The following GPBP1L1 variants were observed in gnomAD, a reference collection of about 807,000 sequenced individuals.
The protein encoded by GPBP1L1 is vasculin-like protein 1.
In GPBP1L1, 23 loss-of-function variants were observed where a neutral mutation model predicts 52.5. The observed-to-expected ratio is 0.44, with a 90% confidence interval of 0.32 to 0.62. The LOEUF is 0.62. Among genes scored for constraint, GPBP1L1 ranks in the 20% least tolerant of loss-of-function variants. The probability of loss-of-function intolerance (pLI) is 0.06; values close to 1 mark genes in which losing one functional copy is unlikely to be tolerated. For missense variants in GPBP1L1, 596 were observed against 579.3 expected, an observed-to-expected ratio of 1.03 and a Z score of -0.30; for synonymous variants, 243 against 203.1, an observed-to-expected ratio of 1.20 and a Z score of -1.67.
At chr1:45,640,507 A>G in intron 7 of GPBP1L1, 104 bp from the exon 8 acceptor site, 1 of 873,204 alleles carries the variant, frequency 1.1e-6, no homozygotes, top group South Asian at 1.5e-5. Flanking sequence ...CTGACAGTTG[A>G]GACAGAGGGA....
At position 45,633,554 on chromosome 1, in the gene GPBP1L1, T is replaced by C; in HGVS notation, c.979A>G (p.Lys327Glu). Residue 327 changes from lysine (K) to glutamate (E), a missense_variant, in exon 10 of 13, where the codon AAA becomes GAA. Lys to Glu is a moderately conservative substitution (Grantham distance 56). Transcript: ENST00000355105. Reference sequence around the variant, plus strand: ...CCATTCCGGTCATCCTTCAGAGTTTTCAGGAACTCACTCTTCCTGTCGGTG... The same window carrying C: ...CCATTCCGGTCATCCTTCAGAGTTTCCAGGAACTCACTCTTCCTGTCGGTG... Reference protein sequence around the residue: ...RTTDRKSEFLKTLKDDRNGDF... With the variant: ...RTTDRKSEFLETLKDDRNGDF... The C allele has an allele frequency of 6.2e-7, 1 of 1,614,050 alleles. No homozygotes were observed. The highest frequency in any genetic ancestry group is 1.1e-5 in the South Asian group (1 of 91,060).
At chr1:45,685,207 T>C (rs2148530985) in intron 2 of GPBP1L1, among the ~76,000 whole-genome samples, 1 of 152,292 alleles carries the variant, frequency 6.6e-6, no homozygotes, top group South Asian at 2.1e-4. Flanking sequence ...GCACCCTAAT[T>C]TCCTTTCAAA....
chr1:45,661,804 G>T lies in GPBP1L1; in HGVS notation c.-1097-579C>A, dbSNP rs1043759404. Among the ~76,000 whole-genome samples, 16 of 152,134 alleles carry T rather than the reference G, an allele frequency of 1.1e-4. No individual in the cohort carries two copies. The South Asian group carries it at 1.5e-3, about 14-fold the overall frequency. On this transcript the variant is annotated intron_variant, in intron 2 of 12. Coordinates refer to ENST00000355105, the MANE Select transcript of GPBP1L1 (RefSeq NM_021639.5). Reference sequence around the variant, plus strand: ...ACATGTAATCTCAACACTTTGAGAGGCCAAATTTTCCAATCAGCTATCTAA... The same window carrying T: ...ACATGTAATCTCAACACTTTGAGAGTCCAAATTTTCCAATCAGCTATCTAA...
At chr1:45,633,967 A>G in intron 9 of GPBP1L1, 129 bp downstream of exon 9, 1 of 1,091,448 alleles carries the variant, frequency 9.2e-7, no homozygotes, top group South Asian at 1.8e-5. Flanking sequence ...GAAAACATCA[A>G]TAAAGAAACT....
chr1:45,658,249 A>C (rs927186100), intron 4 of GPBP1L1, among the ~76,000 whole-genome samples: 35 of 152,178 alleles, frequency 2.3e-4, no homozygotes, highest in Non-Finnish European at 3.4e-4. Flanking sequence ...TTGAACAATC[A>C]CTGCCTCTAC....
At chr1:45,671,117 C>A (rs1645069486) in intron 2 of GPBP1L1, among the ~76,000 whole-genome samples, 1 of 151,558 alleles carries the variant, frequency 6.6e-6, no homozygotes, top group Admixed American at 6.6e-5. Context: ...AACTATCATA[C>A]CTTTACAATA....
chr1:45,632,076 CAGAAAAT>C (rs1644538140), intron 10 of GPBP1L1, among the ~76,000 whole-genome samples: 1 of 152,066 alleles, frequency 6.6e-6, no homozygotes, highest in South Asian at 2.1e-4. Context: ...AAAAAAATTC[CAGAAAAT>C]AGTATACTCT....
At position 45,640,233 on chromosome 1, in the gene GPBP1L1, T is replaced by C; in HGVS notation, c.721A>G (p.Lys241Glu). ...VPSVYKNLVPKPVPPPSKPNA... is the reference protein window; with the variant it reads ...VPSVYKNLVPEPVPPPSKPNA... ...ACCTTGGAAGGAGGTGGTACAGGCT[T>C]AGGAACCAGGTTCTTATAGACACTT... Residue 241 changes from lysine to glutamate, a missense_variant, in exon 8 of 13, where the codon AAG becomes GAG. Physicochemically the swap from Lys to Glu is moderately conservative, Grantham distance 56. Coordinates refer to ENST00000355105, the MANE Select transcript of GPBP1L1 (RefSeq NM_021639.5). 6.2e-7 allele frequency: 1 copy of C among 1,614,044 alleles called. No homozygotes were observed. Among genetic ancestry groups the C allele is most frequent in the Non-Finnish European group, 8.5e-7 (1 of 1,179,900 alleles).
intron 2 of GPBP1L1, among the ~76,000 whole-genome samples, chr1:45,680,052 T>A (rs377109193): frequency 1.3e-5 from 2 of 151,984 alleles, no homozygotes; most frequent in African/African-American, 4.8e-5. Context: ...TGCACTCCAA[T>A]CTGAGCAACA....
intron 12 of GPBP1L1, among the ~76,000 whole-genome samples, chr1:45,629,316 A>C (rs529105897): frequency 6.6e-5 from 10 of 152,290 alleles, no homozygotes; most frequent in Non-Finnish European, 1.2e-4. Flanking sequence ...TCTGATAAGG[A>C]GTTAGAGCTG....
Position 45,628,296 on chromosome 1 carries a change from GTT to G in GPBP1L1, c.1383_1384del (p.Glu461AspfsTer3). The G allele has an allele frequency of 6.2e-7, 1 of 1,614,126 alleles. No individual in the cohort carries two copies. Among genetic ancestry groups the G allele is most frequent in the Non-Finnish European group, 8.5e-7 (1 of 1,180,016 alleles). On this transcript the variant is annotated frameshift_variant, in exon 13 of 13. Coordinates refer to ENST00000355105, the MANE Select transcript of GPBP1L1 (RefSeq NM_021639.5). LOFTEE classifies it high-confidence loss of function. ...GTCATCTGATGTTTCACTGCTACTG[GTT>G]TCGGTGTCTGAGTCCTCAAACTCTG...
intron 2 of GPBP1L1, among the ~76,000 whole-genome samples, chr1:45,675,848 T>C (rs1024050292): frequency 6.6e-6 from 1 of 152,210 alleles, no homozygotes; most frequent in Non-Finnish European, 1.5e-5. Context: ...GCCTTCTTAC[T>C]GTTCTTAAGA....
chr1:45,644,557 ATT>A (rs5773888), intron 6 of GPBP1L1, among the ~76,000 whole-genome samples: 76 of 149,872 alleles, frequency 5.1e-4, no homozygotes, highest in African/African-American at 1.0e-3. Flanking sequence ...TGATCACTGC[ATT>A]TTTTTTTTTT....
At chr1:45,664,600 A>T (rs1021664261) in intron 2 of GPBP1L1, among the ~76,000 whole-genome samples, 4 of 152,238 alleles carry the variant, frequency 2.6e-5, no homozygotes, top group Admixed American at 1.3e-4. Context: ...AAATTATTCC[A>T]TAGAGATGGG....
At chr1:45,630,855 A>G (rs1270192342) in intron 10 of GPBP1L1, 1 of 449,290 alleles carries the variant, frequency 2.2e-6, no homozygotes, top group Admixed American at 3.7e-5. Context: ...GAGTACTGAT[A>G]TTACCTGACA....
intron 2 of GPBP1L1, among the ~76,000 whole-genome samples, chr1:45,664,853 A>G (rs536966133): frequency 6.6e-5 from 10 of 152,038 alleles, no homozygotes; most frequent in Non-Finnish European, 1.5e-5. Flanking sequence ...TAATTTTTGT[A>G]TTTTTAGCAG....
At chr1:45,670,416 G>A (rs1645060167) in intron 2 of GPBP1L1, among the ~76,000 whole-genome samples, 1 of 152,140 alleles carries the variant, frequency 6.6e-6, no homozygotes, top group Non-Finnish European at 1.5e-5. Context: ...TCTTTCCCAT[G>A]TCTTGATGAG....
intron 4 of GPBP1L1, among the ~76,000 whole-genome samples, chr1:45,656,788 C>T (rs1020500236): frequency 6.6e-5 from 10 of 151,982 alleles, no homozygotes; most frequent in African/African-American, 2.4e-4. Flanking sequence ...GCCTTAGCCT[C>T]CCAAGTAGCT....
At chr1:45,644,936 AC>A (rs1183256945) in intron 6 of GPBP1L1, among the ~76,000 whole-genome samples, 1 of 152,246 alleles carries the variant, frequency 6.6e-6, no homozygotes, top group Non-Finnish European at 1.5e-5. Flanking sequence ...AAAATATGAT[AC>A]ATGCTTGTTC....
Sources: allele counts gnomAD v4.1 joint callset (sites outside exome capture counted in the v4.1 genomes callset), GRCh38; gene constraint gnomAD v4.1.1; transcripts MANE v1.5; gene names NCBI Gene and HGNC (gene_info 2026-07-23, HGNC 2026-07-21).